CEP128: variants seen among roughly 807,000 people sequenced by gnomAD.
CEP128 encodes the protein centrosomal protein 128kDa.
CEP128 carries 132 observed loss-of-function variants against 156.7 expected under a neutral mutation model. The observed-to-expected ratio is 0.84, with a 90% confidence interval of 0.73 to 0.97. The LOEUF (loss-of-function observed/expected upper bound fraction) is 0.97. Ranked by LOEUF, CEP128 falls within the 50% of genes least tolerant of loss-of-function variation. CEP128 has a pLI of 0.00. For missense variants in CEP128, 1,252 were observed against 1,281.9 expected (o/e 0.98, Z 0.36); for synonymous variants, 469 against 448.9 (o/e 1.04, Z -0.57).
chr14:80,613,207 T>C (rs974434532), intron 19 of CEP128, among the ~76,000 whole-genome samples: 3 of 151,690 alleles, frequency 2.0e-5, no homozygotes, highest in Admixed American at 1.3e-4. Flanking sequence ...GTAATGATGG[T>C]TTTGATCTCA....
intron 19 of CEP128, among the ~76,000 whole-genome samples, chr14:80,721,819 T>A (rs1368262272): frequency 6.6e-6 from 1 of 151,712 alleles, no homozygotes; most frequent in Non-Finnish European, 1.5e-5. Flanking sequence ...TTAAATGATT[T>A]CAAAACGTTG....
rs183275273 is a variant in CEP128 at position 80,695,133 on chromosome 14, G to A, written c.2806+47942C>T. Among the ~76,000 whole-genome samples the A allele has an allele frequency of 4.6e-3, 701 of 151,798 alleles. 7 individuals carry two copies. The highest frequency in any genetic ancestry group is 6.0e-3 in the Non-Finnish European group (410 of 67,942). The stretch of plus-strand genomic sequence containing the variant: ...AAAAGAAAAAATAAATTTTTTGCAG[G>A]GATTGCATTTGTGCCTATGAAAAAG... On this transcript the variant is annotated intron_variant, in intron 19 of 24. Coordinates refer to ENST00000555265, the MANE Select transcript of CEP128 (RefSeq NM_152446.5).
At chr14:80,920,662 G>A (rs917705182) in intron 2 of CEP128, among the ~76,000 whole-genome samples, 7 of 151,972 alleles carry the variant, frequency 4.6e-5, no homozygotes, top group African/African-American at 1.7e-4. Flanking sequence ...CGTCACATAA[G>A]GAAACAAATA....
intron 19 of CEP128, among the ~76,000 whole-genome samples, chr14:80,631,896 C>T (rs1462440741): frequency 6.6e-6 from 1 of 152,020 alleles, no homozygotes; most frequent in Admixed American, 6.6e-5. Context: ...CATGAAGACA[C>T]CTTTTTTCCC....
chr14:80,898,730 T>TA (rs1009797676), intron 7 of CEP128, among the ~76,000 whole-genome samples: 19 of 151,406 alleles, frequency 1.3e-4, no homozygotes, highest in African/African-American at 3.9e-4. Context: ...TATCAGCTTG[T>TA]AAAAAAAAAT....
At chr14:80,576,564 A>AC (rs573574668) in intron 20 of CEP128, among the ~76,000 whole-genome samples, 32 of 148,116 alleles carry the variant, frequency 2.2e-4, no homozygotes, top group African/African-American at 7.2e-4. Context: ...CTGAGGCTCC[A>AC]CCCCCCCTGC....
chr14:80,849,024 C>T (rs992508032), intron 9 of CEP128, among the ~76,000 whole-genome samples: 1 of 152,038 alleles, frequency 6.6e-6, no homozygotes, highest in African/African-American at 2.4e-5. Flanking sequence ...AAGGAGGCTA[C>T]AGCATTAGCC....
At chr14:80,829,408 TTTTTA>T in intron 13 of CEP128, among the ~76,000 whole-genome samples, 1 of 152,332 alleles carries the variant, frequency 6.6e-6, no homozygotes, top group African/African-American at 2.4e-5. Context: ...ATCAACTTTA[TTTTTA>T]TTTACTTATT....
At chr14:80,672,763 C>T (rs1895895489) in intron 19 of CEP128, among the ~76,000 whole-genome samples, 1 of 152,014 alleles carries the variant, frequency 6.6e-6, no homozygotes, top group South Asian at 2.1e-4. Flanking sequence ...TTCTAAATAA[C>T]AAATATTTAT....
At chr14:80,752,912 T>C (rs1480592260) in intron 18 of CEP128, among the ~76,000 whole-genome samples, 2 of 152,206 alleles carry the variant, frequency 1.3e-5, no homozygotes, top group Non-Finnish European at 2.9e-5. Flanking sequence ...GCCTAGAATA[T>C]ACTATACTAT....
rs1375026074 is a variant in CEP128, at chr14:80,584,194, T to C, written c.2807-3771A>G. Among the ~76,000 whole-genome samples the C allele has an allele frequency of 2.1e-5, 3 of 142,268 alleles. No homozygotes were observed. In the East Asian group the frequency reaches 6.6e-4, roughly 31 times the overall value. 93.3% of individuals were successfully genotyped at this position (142,268 alleles called of 152,430 possible). On this transcript the variant is annotated intron_variant, in intron 19 of 24. Transcript: ENST00000555265. The stretch of plus-strand genomic sequence containing the variant: ...ACAGCGTCTCATCCGATGCCCAGAC[T>C]GGAGTGCAGTGGCGCCATCTCGGCT...
chr14:80,673,660 AAAAAAAAAAAAT>A (rs1895943292), intron 19 of CEP128, among the ~76,000 whole-genome samples: 5 of 148,528 alleles, frequency 3.4e-5, no homozygotes, highest in Admixed American at 1.3e-4. Context: ...AAAAAAAAAA[AAAAAAAAAAAAT>A]GTACTAAAGC....
At chr14:80,566,210 C>T (rs1890901880) in intron 20 of CEP128, among the ~76,000 whole-genome samples, 2 of 152,184 alleles carry the variant, frequency 1.3e-5, no homozygotes, top group Admixed American at 6.6e-5. Flanking sequence ...CTTCCAAAGT[C>T]AACTCTGTTT....
At chr14:80,832,400 A>T (rs1447067105) in intron 12 of CEP128, among the ~76,000 whole-genome samples, 2 of 152,128 alleles carry the variant, frequency 1.3e-5, no homozygotes, top group Non-Finnish European at 2.9e-5. Flanking sequence ...GAAAAAAAAA[A>T]GGAGGCAATG....
At position 80,647,120 on chromosome 14, in the gene CEP128, C is replaced by T. The variant is rs951927114; in HGVS notation, c.2807-66697G>A. ...ATAAATACACATACACACACACACACACACATACACACACACACACACACA... is the reference window on the plus strand; with the variant it reads ...ATAAATACACATACACACACACACATACACATACACACACACACACACACA... On this transcript the variant is annotated intron_variant, in intron 19 of 24. Transcript: ENST00000555265. Among the ~76,000 whole-genome samples the T allele has an allele frequency of 1.4e-4, 15 of 108,426 alleles. 1 individual carries two copies. Among genetic ancestry groups the T allele is most frequent in the African/African-American group, 3.6e-4 (12 of 33,780 alleles). The allele number at this position is 108,426 out of a possible 152,430, so 71.1% of individuals were successfully genotyped here. A position where few individuals can be genotyped will look rare whatever the true frequency, so the allele number is the denominator to read the frequency against.
chr14:80,867,825 A>G (rs886392186), intron 8 of CEP128, among the ~76,000 whole-genome samples: 5 of 152,194 alleles, frequency 3.3e-5, no homozygotes, highest in Non-Finnish European at 7.3e-5. Flanking sequence ...AAAATTTCCT[A>G]TATCTGGAAA....
chr14:80,869,278 T>G (rs1566682286), intron 8 of CEP128, among the ~76,000 whole-genome samples: 1 of 152,036 alleles, frequency 6.6e-6, no homozygotes, highest in Non-Finnish European at 1.5e-5. Flanking sequence ...TAGATCACAG[T>G]GGTATAAAAC....
rs185240818 is a variant in CEP128, at chr14:80,831,240, T to C, written c.1112A>G (p.Gln371Arg). Reference protein sequence around the residue: ...LEKQMSDLRVQLNFSAMASEL... With the variant: ...LEKQMSDLRVRLNFSAMASEL... ...AGATGCCATTGCGCTGAAGTTCAGCTGCACTCTCAAATCTGACATTTGCTT... is the reference window on the plus strand; with the variant it reads ...AGATGCCATTGCGCTGAAGTTCAGCCGCACTCTCAAATCTGACATTTGCTT... Residue 371 changes from glutamine (Q) to arginine (R), a missense_variant, in exon 13 of 25, where the codon CAG (glutamine) becomes CGG (arginine). Physicochemically the swap from Gln to Arg is conservative, Grantham distance 43. Coordinates refer to ENST00000555265, the MANE Select transcript of CEP128 (RefSeq NM_152446.5). The C allele has an allele frequency of 4.0e-5, 64 of 1,613,956 alleles. No individual in the cohort carries two copies. In the Middle Eastern group the frequency reaches 4.9e-4, roughly 12 times the overall value.
In CEP128 at chr14:80,831,309, T is replaced by A; in HGVS notation, c.1058-15A>T. 2 of 1,613,620 alleles carry A rather than the reference T, an allele frequency of 1.2e-6. No individual in the cohort carries two copies. The highest frequency in any genetic ancestry group is 1.7e-6 in the Non-Finnish European group (2 of 1,179,664). ...CCGCTCAACCCCTTAAAAGATAAAATGTAAGGCTCAAGGGTTGTTCTTTAT... is the reference window on the plus strand; with the variant it reads ...CCGCTCAACCCCTTAAAAGATAAAAAGTAAGGCTCAAGGGTTGTTCTTTAT... On this transcript the variant is annotated splice_polypyrimidine_tract_variant and intron_variant, in intron 12 of 24. Transcript: ENST00000555265.
Sources: gnomAD v4.1 joint callset for allele counts (sites outside exome capture counted in the v4.1 genomes callset) on GRCh38, gnomAD v4.1.1 for gene constraint, MANE v1.5 for transcripts, NCBI Gene and HGNC (gene_info 2026-07-23, HGNC 2026-07-21) for gene names.